ZCCHC17: variants seen among roughly 807,000 people sequenced by gnomAD.
The protein encoded by ZCCHC17 is zinc finger CCHC-type containing 17.
A neutral mutation model predicts 30.6 loss-of-function variants in ZCCHC17; 18 were observed. The observed-to-expected ratio is 0.59, with a 90% CI of 0.41 to 0.87. The LOEUF (loss-of-function observed/expected upper bound fraction) is 0.87. Among genes scored for constraint, ZCCHC17 ranks in the 40% least tolerant of loss-of-function variants. ZCCHC17 has a pLI of 0.00. For missense variants in ZCCHC17, 263 were observed against 284.2 expected (o/e 0.93, Z 0.54); for synonymous variants, 88 against 92.4 (o/e 0.95, Z 0.27).
chr1:31,359,853 T>C (rs1216161094), intron 7 of ZCCHC17, among the ~76,000 whole-genome samples: 1 of 151,588 alleles, frequency 6.6e-6, no homozygotes, highest in African/African-American at 2.4e-5. Context: ...ATCCATGTCA[T>C]TTTTTTTTAA....
intron 7 of ZCCHC17, among the ~76,000 whole-genome samples, chr1:31,353,453 G>A (rs1176209650): frequency 1.3e-5 from 2 of 152,018 alleles, no homozygotes; most frequent in Non-Finnish European, 2.9e-5. Flanking sequence ...TGTTGAGTAT[G>A]TTCATGATAG....
At chr1:31,318,028 A>G (rs1048985453) in intron 2 of ZCCHC17, 2 of 608,586 alleles carry the variant, frequency 3.3e-6, no homozygotes, top group Admixed American at 3.8e-5. Context: ...TTGGATGGGA[A>G]TAATAGTACC....
intron 3 of ZCCHC17, among the ~76,000 whole-genome samples, chr1:31,324,734 C>T (rs7526095): frequency 0.54 from 82,592 of 152,036 alleles, 23,341 homozygotes; most frequent in Non-Finnish European, 0.62. Context: ...GGAGGGAGGC[C>T]AAAGGGGTGC....
At chr1:31,348,597 G>C (rs1639357880) in intron 6 of ZCCHC17, among the ~76,000 whole-genome samples, 1 of 152,212 alleles carries the variant, frequency 6.6e-6, no homozygotes, top group Non-Finnish European at 1.5e-5. Flanking sequence ...TTCGAGAACA[G>C]TACCAGTGTT....
chr1:31,355,380 G>A (rs112713955), intron 7 of ZCCHC17, among the ~76,000 whole-genome samples: 1 of 151,890 alleles, frequency 6.6e-6, no homozygotes, highest in African/African-American at 2.4e-5. Flanking sequence ...CCTCATATTT[G>A]TTTAGTGCTT....
chr1:31,310,050 T>C lies in ZCCHC17; in HGVS notation c.-49T>C, dbSNP rs1345570073. ...TCTGATTTCTTTATGACAGGACACTTGTATTAGCTTTAATAGAAGAGAAAT... is the reference window on the plus strand; with the variant it reads ...TCTGATTTCTTTATGACAGGACACTCGTATTAGCTTTAATAGAAGAGAAAT... On this transcript the variant is annotated 5_prime_UTR_variant, in exon 2 of 8. Transcript: ENST00000344147. 6.3e-7 allele frequency: 1 copy of C among 1,583,888 alleles called. No individual in the cohort carries two copies. Among genetic ancestry groups the C allele is most frequent in the Admixed American group, 1.7e-5 (1 of 58,204 alleles).
At position 31,346,719 on chromosome 1, in the gene ZCCHC17, T is replaced by C. The variant is rs1639287648; in HGVS notation, c.397T>C (p.Cys133Arg). The C allele has an allele frequency of 6.2e-7, 1 of 1,614,142 alleles. No homozygotes were observed. Among genetic ancestry groups the C allele is most frequent in the Non-Finnish European group, 8.5e-7 (1 of 1,180,024 alleles). The change falls in exon 6 of 8, where the codon TGC becomes CGC. Residue 133 changes from cysteine (C) to arginine (R), a missense_variant. Physicochemically the swap from Cys to Arg is radical, Grantham distance 180. Transcript: ENST00000344147. The part of the protein sequence containing the change: ...ITLEAVLNTT[C>R]KKCGCKGHFA... ...CCTTGAGGCTGTCTTGAACACTACCTGCAAGAAGTGTGGCTGTAAAGGTAG... is the reference window on the plus strand; with the variant it reads ...CCTTGAGGCTGTCTTGAACACTACCCGCAAGAAGTGTGGCTGTAAAGGTAG...
chr1:31,318,233 TTATG>T lies in ZCCHC17; in HGVS notation c.67-869_67-866del, dbSNP rs944264413. 1.8e-5 allele frequency: 27 copies of T among 1,532,994 alleles called. No homozygotes were observed. In the African/African-American group the frequency reaches 3.6e-4, roughly 20 times the overall value. 95.0% of individuals were successfully genotyped at this position (1,532,994 alleles called of 1,614,324 possible). A position where few individuals can be genotyped will look rare whatever the true frequency, so the allele number is the denominator to read the frequency against. On this transcript the variant is annotated intron_variant, in intron 2 of 7. Transcript: ENST00000344147. ...TTGAAGACACTGAAAAGAATAAAGT[TTATG>T]TATGTAAGATTATATTGAATATTTT...
intron 2 of ZCCHC17, among the ~76,000 whole-genome samples, chr1:31,314,570 A>G (rs1051974711): frequency 7.9e-5 from 12 of 152,336 alleles, no homozygotes; most frequent in African/African-American, 2.9e-4. Flanking sequence ...GAAGTTAAGT[A>G]ATCGCCTAGG....
intron 3 of ZCCHC17, among the ~76,000 whole-genome samples, chr1:31,324,477 G>A (rs1015131229): frequency 6.6e-6 from 1 of 152,224 alleles, no homozygotes; most frequent in African/African-American, 2.4e-5. Flanking sequence ...AGCCCTGGCT[G>A]CAGACCCAGG....
At chr1:31,307,855 G>A (rs1452302940) in intron 1 of ZCCHC17, among the ~76,000 whole-genome samples, 2 of 152,210 alleles carry the variant, frequency 1.3e-5, no homozygotes, top group African/African-American at 2.4e-5. Flanking sequence ...GATTACAGGC[G>A]TGAGCCACTG....
At chr1:31,345,755 G>A (rs1037523947) in intron 5 of ZCCHC17, among the ~76,000 whole-genome samples, 12 of 150,582 alleles carry the variant, frequency 8.0e-5, no homozygotes, top group African/African-American at 7.4e-5. Context: ...TTCATATGGC[G>A]GCAGGAGAGA....
chr1:31,346,508 G>A (rs1015407306), intron 5 of ZCCHC17, 132 bp from the exon 6 acceptor site: 27 of 1,011,810 alleles, frequency 2.7e-5, no homozygotes, highest in Admixed American at 8.9e-5. Flanking sequence ...TGCCTGTCTC[G>A]TTCTGTCAAA....
chr1:31,300,712 G>A (rs1196446280), intron 1 of ZCCHC17, among the ~76,000 whole-genome samples: 5 of 152,038 alleles, frequency 3.3e-5, no homozygotes, highest in Non-Finnish European at 7.4e-5. Flanking sequence ...GAGGCAGGTG[G>A]ATCACCTGAG....
rs114053586 is a variant in ZCCHC17 at position 31,328,784 on chromosome 1, T to C, written c.125-8391T>C. On this transcript the variant is annotated intron_variant, in intron 3 of 7. Coordinates refer to ENST00000344147, the MANE Select transcript of ZCCHC17 (RefSeq NM_016505.4). ...GCCAACCCAGAAACTACAAATCTCA[T>C]GTATGGGAGTTTTTATAGAGCTCAG... is the stretch of plus-strand genomic sequence containing the variant. Among the ~76,000 whole-genome samples the C allele has an allele frequency of 7.4e-3, 1,131 of 152,198 alleles. 13 individuals carry two copies. The highest frequency in any genetic ancestry group is 0.012 in the Non-Finnish European group (840 of 68,002).
intron 1 of ZCCHC17, among the ~76,000 whole-genome samples, chr1:31,308,364 C>T (rs755433810): frequency 3.3e-5 from 5 of 152,148 alleles, no homozygotes; most frequent in Non-Finnish European, 7.3e-5. Flanking sequence ...TTTGGATGTC[C>T]TGAAAGGATT....
Position 31,348,889 on chromosome 1 carries a change from A to C in ZCCHC17, c.479A>C (p.Asp160Ala). Reference protein sequence around the residue: ...PGGTKYSLIPDEEEEKEEAKS... With the variant: ...PGGTKYSLIPAEEEEKEEAKS... ...GGGACTAAATACTCTCTGATACCTG[A>C]TGAGGAAGAGGAAAAGGAAGAGGCA... Residue 160 changes from aspartate to alanine, a missense_variant, in exon 7 of 8, where the codon GAT (aspartate) becomes GCT (alanine). Transcript: ENST00000344147. The C allele has an allele frequency of 6.2e-7, 1 of 1,613,484 alleles. No homozygotes were observed. The highest frequency in any genetic ancestry group is 1.1e-5 in the South Asian group (1 of 91,004).
chr1:31,361,297 G>A (rs573080837), intron 7 of ZCCHC17, among the ~76,000 whole-genome samples: 6 of 152,340 alleles, frequency 3.9e-5, no homozygotes, highest in Non-Finnish European at 8.8e-5. Flanking sequence ...GTCTCCTGTA[G>A]ATGCTTGGCC....
chr1:31,309,739 C>T (rs1035519844), intron 1 of ZCCHC17, among the ~76,000 whole-genome samples: 2 of 152,126 alleles, frequency 1.3e-5, no homozygotes, highest in African/African-American at 2.4e-5. Flanking sequence ...ACATACTTAA[C>T]ATCTTTTCCC....
Sources: allele counts gnomAD v4.1 joint callset (sites outside exome capture counted in the v4.1 genomes callset), GRCh38; gene constraint gnomAD v4.1.1; transcripts MANE v1.5; gene names NCBI Gene and HGNC (gene_info 2026-07-23, HGNC 2026-07-21).